The following TTC27 variants were observed in gnomAD, a reference collection of about 807,000 sequenced individuals.
TTC27 encodes the protein tetratricopeptide repeat protein 27.
A neutral mutation model predicts 115.9 loss-of-function variants in TTC27; 79 were observed. The observed-to-expected ratio is 0.68, with a 90% CI of 0.57 to 0.82. The LOEUF (loss-of-function observed/expected upper bound fraction) is 0.82. TTC27 is among the 40% of genes least tolerant of loss of function. The pLI, the probability that TTC27 is intolerant of heterozygous loss-of-function variation, is 0.00. For synonymous variants in TTC27, 401 were observed against 356.0 expected (o/e 1.13, Z -1.42); for missense variants, 1,054 against 993.1 (o/e 1.06, Z -0.82).
At chr2:32,745,922 G>T (rs1330426780) in intron 12 of TTC27, among the ~76,000 whole-genome samples, 2 of 152,104 alleles carry the variant, frequency 1.3e-5, no homozygotes, top group African/African-American at 4.8e-5. Flanking sequence ...TCTAAATAGT[G>T]CAGGTTTCCC....
At chr2:32,682,364 T>G in intron 9 of TTC27, among the ~76,000 whole-genome samples, 1 of 152,156 alleles carries the variant, frequency 6.6e-6, no homozygotes, top group South Asian at 2.1e-4. Flanking sequence ...AGGATCATAT[T>G]GCAGAACATC....
intron 16 of TTC27, among the ~76,000 whole-genome samples, chr2:32,809,332 G>C (rs1671239452): frequency 6.6e-6 from 1 of 152,174 alleles, no homozygotes; most frequent in Non-Finnish European, 1.5e-5. Context: ...AATATGCCAG[G>C]CACTATATTA....
intron 11 of TTC27, among the ~76,000 whole-genome samples, chr2:32,735,034 G>A (rs1401101678): frequency 6.6e-6 from 1 of 152,106 alleles, no homozygotes; most frequent in African/African-American, 2.4e-5. Context: ...CCAGTTTTCT[G>A]TCCTCTCTTT....
At position 32,666,655 on chromosome 2, in the gene TTC27, C is replaced by T. The variant is rs370351320; in HGVS notation, c.826C>T (p.Arg276Trp). Residue 276 changes from arginine (R) to tryptophan (W), a missense_variant, in exon 7 of 20, where the codon CGG becomes TGG. By Grantham distance (101) the Arg-to-Trp change is moderately radical (BLOSUM62 -3). Transcript: ENST00000317907. ...DLTGALGKRT[R>W]FQENYVAQLI... is the part of the protein sequence containing the mutation. ...TTCAGGTGCTTTGGGAAAAAGAACA[C>T]GGTTCCAGGAAAATTATGTGGCACA... is the stretch of plus-strand genomic sequence containing the variant. 59 of 1,613,440 alleles carry T rather than the reference C, an allele frequency of 3.7e-5. No individual in the cohort carries two copies. The highest frequency in any genetic ancestry group is 4.8e-5 in the Non-Finnish European group (57 of 1,179,792).
At chr2:32,809,436 T>A (rs1671242006) in intron 16 of TTC27, among the ~76,000 whole-genome samples, 1 of 152,224 alleles carries the variant, frequency 6.6e-6, no homozygotes, top group Non-Finnish European at 1.5e-5. Flanking sequence ...GAGCCTTGCT[T>A]CTCGAAGTGT....
At chr2:32,797,269 T>G (rs1572623069) in intron 16 of TTC27, among the ~76,000 whole-genome samples, 1 of 151,282 alleles carries the variant, frequency 6.6e-6, no homozygotes. Flanking sequence ...AGCTTTGAAC[T>G]CCGGGGCTCA....
At chr2:32,659,902 A>T (rs955490686) in intron 5 of TTC27, among the ~76,000 whole-genome samples, 9 of 151,936 alleles carry the variant, frequency 5.9e-5, no homozygotes, top group African/African-American at 2.2e-4. Context: ...CATTTTCTTT[A>T]TCCAGTCTAT....
intron 7 of TTC27, among the ~76,000 whole-genome samples, chr2:32,670,092 G>C (rs1055560425): frequency 5.3e-5 from 8 of 151,806 alleles, no homozygotes; most frequent in African/African-American, 1.9e-4. Context: ...TGGCCAGGCT[G>C]GTCTCGAACT....
At chr2:32,746,439 T>C (rs972937087) in intron 12 of TTC27, among the ~76,000 whole-genome samples, 3 of 151,642 alleles carry the variant, frequency 2.0e-5, no homozygotes, top group Admixed American at 2.0e-4. Flanking sequence ...AGCACATGCC[T>C]GTAATCCCAG....
At chr2:32,672,952 A>T (rs1293938946) in intron 8 of TTC27, among the ~76,000 whole-genome samples, 1 of 152,212 alleles carries the variant, frequency 6.6e-6, no homozygotes, top group African/African-American at 2.4e-5. Context: ...CAGAAAATTA[A>T]TGTTGGTACT....
intron 9 of TTC27, among the ~76,000 whole-genome samples, chr2:32,695,494 G>T (rs1453791541): frequency 6.6e-6 from 1 of 151,942 alleles, no homozygotes; most frequent in African/African-American, 2.4e-5. Context: ...ACCGAGGCGG[G>T]CAGATCACGA....
At chr2:32,676,493 G>GTTTTT (rs5830238) in intron 8 of TTC27, among the ~76,000 whole-genome samples, 1 of 133,908 alleles carries the variant, frequency 7.5e-6, no homozygotes, top group African/African-American at 2.8e-5. Context: ...TTTTCATTCT[G>GTTTTT]TTTTTTTTTT....
At position 32,790,780 on chromosome 2, in the gene TTC27, G is replaced by A. The variant is rs61362351; in HGVS notation, c.1998+3631G>A. Among the ~76,000 whole-genome samples, 727 of 151,076 alleles carry A rather than the reference G, an allele frequency of 4.8e-3. 8 individuals carry two copies. Among genetic ancestry groups the A allele is most frequent in the African/African-American group, 0.017 (709 of 41,214 alleles). ...TTCCTTTCTGTATAGTTTGTTATTA[G>A]TATTATAGATGTGCTACTGATGTTT... On this transcript the variant is annotated intron_variant, in intron 16 of 19. Transcript: ENST00000317907.
intron 3 of TTC27, among the ~76,000 whole-genome samples, chr2:32,637,065 A>T (rs1414899382): frequency 6.6e-6 from 1 of 152,242 alleles, no homozygotes; most frequent in Non-Finnish European, 1.5e-5. Context: ...TACTGCCAAC[A>T]CTTAAAAGAG....
chr2:32,642,247 A>ATTTTTTT (rs10634857), intron 4 of TTC27, among the ~76,000 whole-genome samples: 40 of 102,152 alleles, frequency 3.9e-4, no homozygotes, highest in Non-Finnish European at 5.0e-4. Flanking sequence ...TATACACTAA[A>ATTTTTTT]TTTTTTTTTT....
At chr2:32,748,926 G>A (rs1393214298) in intron 12 of TTC27, among the ~76,000 whole-genome samples, 1 of 152,080 alleles carries the variant, frequency 6.6e-6, no homozygotes, top group Non-Finnish European at 1.5e-5. Flanking sequence ...GACCTCAGGA[G>A]ATCTGCCCGC....
intron 13 of TTC27, among the ~76,000 whole-genome samples, chr2:32,765,991 C>A (rs1669612500): frequency 6.6e-6 from 1 of 152,128 alleles, no homozygotes; most frequent in Non-Finnish European, 1.5e-5. Flanking sequence ...AGCAATAAGG[C>A]CATTTCGCTT....
intron 16 of TTC27, among the ~76,000 whole-genome samples, chr2:32,805,308 G>C (rs1030355128): frequency 3.9e-5 from 6 of 152,220 alleles, no homozygotes; most frequent in Non-Finnish European, 7.3e-5. Context: ...TATGTAAGAG[G>C]TGTTATCTGC....
Position 32,682,772 on chromosome 2 carries a change from G to A in TTC27, c.1119+3850G>A, listed in dbSNP as rs561967020. On this transcript the variant is annotated intron_variant, in intron 9 of 19. Transcript: ENST00000317907. Reference sequence around the variant, plus strand: ...CAGCCTCCACCTCCTGGGTTCAAGCGATTCTCCTGCCTCAGCTTCCCGAGT... The same window carrying A: ...CAGCCTCCACCTCCTGGGTTCAAGCAATTCTCCTGCCTCAGCTTCCCGAGT... Among the ~76,000 whole-genome samples, 15 of 147,884 alleles carry A rather than the reference G, an allele frequency of 1.0e-4. No homozygotes were observed. The East Asian group carries it at 2.2e-3, about 22-fold the overall frequency.
Sources: allele counts gnomAD v4.1 joint callset (sites outside exome capture counted in the v4.1 genomes callset), GRCh38; gene constraint gnomAD v4.1.1; transcripts MANE v1.5; gene names NCBI Gene and HGNC (gene_info 2026-07-23, HGNC 2026-07-21).